TTYH3: variants seen among roughly 807,000 people sequenced by gnomAD.
TTYH3 encodes tweety family member 3, also known as protein tweety homolog 3.
In TTYH3, 23 loss-of-function variants were observed where a neutral mutation model predicts 68.2. That is an observed-to-expected ratio of 0.34 (90% CI 0.24 to 0.48). The LOEUF (loss-of-function observed/expected upper bound fraction) is 0.48. Ranked by LOEUF, TTYH3 falls within the 20% of genes least tolerant of loss-of-function variation. The probability of loss-of-function intolerance (pLI) is 0.99; values close to 1 mark genes in which losing one functional copy is unlikely to be tolerated. For missense variants in TTYH3, 768 were observed against 727.7 expected (o/e 1.06, Z -0.64); for synonymous variants, 360 against 332.8 (o/e 1.08, Z -0.89).
chr7:2,635,305 C>G (rs1213640576), intron 1 of TTYH3, among the ~76,000 whole-genome samples: 1 of 152,216 alleles, frequency 6.6e-6, no homozygotes, highest in African/African-American at 2.4e-5. Context: ...TCAGCTAGAG[C>G]ATCGCAGGCC....
intron 7 of TTYH3, among the ~76,000 whole-genome samples, chr7:2,651,174 AATT>A (rs1295250033): frequency 6.6e-6 from 1 of 152,016 alleles, no homozygotes; most frequent in East Asian, 1.9e-4. Context: ...CCCCTTGTGG[AATT>A]ATTGTGTGTT....
chr7:2,646,613 C>T (rs1785990460), intron 1 of TTYH3, among the ~76,000 whole-genome samples: 1 of 152,218 alleles, frequency 6.6e-6, no homozygotes, highest in South Asian at 2.1e-4. Flanking sequence ...TCATGCTGTG[C>T]AGCCTTGAGG....
At chr7:2,649,708 C>T (rs149991450) in intron 6 of TTYH3, 69 bp downstream of exon 6, 18,810 of 1,533,126 alleles carry the variant, frequency 0.012, 143 homozygotes, top group Non-Finnish European at 0.014. Flanking sequence ...GAGGGGAAGC[C>T]ACACTCCTCT....
At chr7:2,641,242 C>T (rs968119882) in intron 1 of TTYH3, among the ~76,000 whole-genome samples, 3 of 152,130 alleles carry the variant, frequency 2.0e-5, no homozygotes, top group African/African-American at 4.8e-5. Context: ...CTTCAGGCCC[C>T]GGCTCTCTGG....
intron 1 of TTYH3, among the ~76,000 whole-genome samples, chr7:2,640,921 C>T (rs1056276620): frequency 4.6e-5 from 7 of 152,216 alleles, no homozygotes; most frequent in East Asian, 3.9e-4. Context: ...CGGAGCCAGC[C>T]GAGGTTCACA....
At chr7:2,647,358 G>T in intron 3 of TTYH3, 60 bp from the exon 4 acceptor site, 1 of 1,476,216 alleles carries the variant, frequency 6.8e-7, no homozygotes, top group Non-Finnish European at 8.9e-7. Context: ...TGCAGGAGGG[G>T]CCCAGACTCT....
intron 7 of TTYH3, among the ~76,000 whole-genome samples, chr7:2,650,407 G>T (rs867034497): frequency 6.6e-6 from 1 of 152,100 alleles, no homozygotes; most frequent in Admixed American, 6.5e-5. Flanking sequence ...GCAAAACCCT[G>T]TCTCTACTAA....
In TTYH3 at chr7:2,641,566, C is replaced by T. The variant is rs893262251; in HGVS notation, c.124-5287C>T. ...CAGTTTTCGCCTCGCCTGACCGAGC[C>T]CTTACATCACTTCCACCACAGACGG... On this transcript the variant is annotated intron_variant, in intron 1 of 13. Coordinates refer to ENST00000258796, the MANE Select transcript of TTYH3 (RefSeq NM_025250.3). 4.6e-5 allele frequency among the ~76,000 whole-genome samples: 7 copies of T among 152,226 alleles called. 1 individual carries two copies. The highest frequency in any genetic ancestry group is 1.7e-4 in the African/African-American group (7 of 41,468).
Position 2,645,942 on chromosome 7 carries a change from C to T in TTYH3, c.124-911C>T, listed in dbSNP as rs1437155212. On this transcript the variant is annotated intron_variant, in intron 1 of 13. Transcript: ENST00000258796. This position sits in a 1 kb window ranked among gnomAD's most constrained non-coding sequence, Gnocchi z 4.8. The stretch of plus-strand genomic sequence containing the variant: ...GGGCTCTGGGGTCCTGGGGCTGTCT[C>T]GGGCTGGGGGTGAGGACAGTAGCTG... 2.7e-5 allele frequency: 12 copies of T among 447,488 alleles called. No homozygotes were observed. The highest frequency in any genetic ancestry group is 2.1e-4 in the East Asian group (3 of 14,142). 27.7% of individuals were successfully genotyped at this position (447,488 alleles called of 1,614,324 possible).
At chr7:2,652,713 G>A in intron 8 of TTYH3, 1 of 585,114 alleles carries the variant, frequency 1.7e-6, no homozygotes, top group South Asian at 2.2e-5. Flanking sequence ...TGCGTGGTTG[G>A]CTGTTACCAC....
In TTYH3 at chr7:2,647,111, G is replaced by C. The variant is rs200885316; in HGVS notation, c.294-31G>C. 1.4e-5 allele frequency: 22 copies of C among 1,567,990 alleles called. No individual in the cohort carries two copies. In the East Asian group the frequency reaches 4.9e-4, roughly 35 times the overall value. On this transcript the variant is annotated intron_variant, in intron 2 of 13. Transcript: ENST00000258796. ...GGAGTGGGGTGTGTGTGGGTGGGCGGGGCTACATCTCACGGGCCCGCCCTC... is the reference window on the plus strand; with the variant it reads ...GGAGTGGGGTGTGTGTGGGTGGGCGCGGCTACATCTCACGGGCCCGCCCTC...
chr7:2,655,962 A>G, intron 9 of TTYH3, 130 bp from the exon 10 acceptor site: 1 of 711,640 alleles, frequency 1.4e-6, no homozygotes, highest in Non-Finnish European at 2.3e-6. Context: ...CTGAGACCCC[A>G]GGGTGGGGGG....
chr7:2,647,787 C>A, intron 4 of TTYH3, 149 bp downstream of exon 4: 1 of 1,070,216 alleles, frequency 9.3e-7, no homozygotes, highest in South Asian at 1.5e-5. Context: ...GGCTGGAGTT[C>A]CCCTAATGGG....
rs1786551569 is a variant in TTYH3 at position 2,663,749 on chromosome 7, CAT to C, written c.*2012_*2013del. On this transcript the variant is annotated 3_prime_UTR_variant, in exon 14 of 14. Coordinates refer to ENST00000258796, the MANE Select transcript of TTYH3 (RefSeq NM_025250.3). ...TGAGGCTGCCTGCCAGGTGAATGGA[CAT>C]AGCGTGAGAGGCGGTGAGGCCAGGG... 6.5e-6 allele frequency: 1 copy of C among 152,756 alleles called. No homozygotes were observed. Among genetic ancestry groups the C allele is most frequent in the South Asian group, 2.1e-4 (1 of 4,836 alleles). The allele number at this position is 152,756 out of a possible 1,614,324, so 9.5% of individuals were successfully genotyped here.
chr7:2,643,715 G>A (rs1785912364), intron 1 of TTYH3, among the ~76,000 whole-genome samples: 1 of 152,336 alleles, frequency 6.6e-6, no homozygotes, highest in South Asian at 2.1e-4. Context: ...TGGCTCTGGC[G>A]CCGCTGAGGA....
chr7:2,661,854 G>GGGGC lies in TTYH3; in HGVS notation c.*115_*116insGGGC. 1 of 1,186,396 alleles carries GGGGC rather than the reference G, an allele frequency of 8.4e-7. No individual in the cohort carries two copies. Among genetic ancestry groups the GGGGC allele is most frequent in the Non-Finnish European group, 1.2e-6 (1 of 834,696 alleles). The allele number at this position is 1,186,396 out of a possible 1,614,324, so 73.5% of individuals were successfully genotyped here. ...CGCACGCCGTGCCAGGCCTGCCCCA[G>GGGGC]ACGCGTCTGCAGGCCGCTTGCCCTC... On this transcript the variant is annotated 3_prime_UTR_variant, in exon 14 of 14. Transcript: ENST00000258796.
Position 2,647,527 on chromosome 7 carries a change from A to G in TTYH3, c.515A>G (p.Gln172Arg). The change falls in exon 4 of 14, where the codon CAG becomes CGG. Residue 172 changes from glutamine (Q) to arginine (R), a missense_variant. Transcript: ENST00000258796. ...PEPLRAVQRLQGLLETLLGYT... is the reference protein window; with the variant it reads ...PEPLRAVQRLRGLLETLLGYT... ...CCCCTGCGAGCCGTACAGAGGCTGC[A>G]GGGCCTGCTGGAGACGCTGCTGGGC... The G allele has an allele frequency of 6.5e-7, 1 of 1,549,834 alleles. No homozygotes were observed. The highest frequency in any genetic ancestry group is 8.7e-7 in the Non-Finnish European group (1 of 1,148,500).
At position 2,658,169 on chromosome 7, in the gene TTYH3, G is replaced by A. The variant is rs563954558; in HGVS notation, c.1251-117G>A. ...ACAGTCCCACATGGAGTGTGCACACGGCCGAGCCAGAACTGGAACCAGGAG... is the reference window on the plus strand; with the variant it reads ...ACAGTCCCACATGGAGTGTGCACACAGCCGAGCCAGAACTGGAACCAGGAG... On this transcript the variant is annotated intron_variant, in intron 11 of 13. Coordinates refer to ENST00000258796, the MANE Select transcript of TTYH3 (RefSeq NM_025250.3). 2.0e-5 allele frequency: 22 copies of A among 1,122,706 alleles called. No individual in the cohort carries two copies. In the African/African-American group the frequency reaches 2.8e-4, roughly 14 times the overall value. The allele number at this position is 1,122,706 out of a possible 1,614,324, so 69.5% of individuals were successfully genotyped here.
chr7:2,637,941 G>T (rs574988909), intron 1 of TTYH3, among the ~76,000 whole-genome samples: 54 of 152,344 alleles, frequency 3.5e-4, no homozygotes, highest in African/African-American at 1.2e-3. Context: ...GCCACCCACA[G>T]AGTGCCAGTG....
Sources: gnomAD v4.1 joint callset for allele counts (sites outside exome capture counted in the v4.1 genomes callset) on GRCh38, gnomAD v4.1.1 for gene constraint, Gnocchi (gnomAD v3.1) non-coding constraint, MANE v1.5 for transcripts, NCBI Gene and HGNC (gene_info 2026-07-23, HGNC 2026-07-21) for gene names.